SMURF2: variants seen among roughly 807,000 people sequenced by gnomAD.
SMURF2 encodes the protein SMAD specific E3 ubiquitin protein ligase 2.
A neutral mutation model predicts 109.6 loss-of-function variants in SMURF2; 48 were observed. The observed-to-expected ratio is 0.44, with a 90% CI of 0.35 to 0.56. The LOEUF (loss-of-function observed/expected upper bound fraction) is 0.56. Ranked by LOEUF, SMURF2 falls within the 20% of genes least tolerant of loss-of-function variation. The pLI, the probability that SMURF2 is intolerant of heterozygous loss-of-function variation, is 0.01. For synonymous variants in SMURF2, 288 were observed against 317.1 expected, an observed-to-expected ratio of 0.91 and a Z score of 0.97; for missense variants, 575 against 909.0, an observed-to-expected ratio of 0.63 and a Z score of 4.72.
intron 1 of SMURF2, among the ~76,000 whole-genome samples, chr17:64,661,531 G>A (rs1435499858): frequency 1.3e-5 from 2 of 152,140 alleles, no homozygotes. Flanking sequence ...AGCCCCGGGA[G>A]GCAGCGTCTG....
intron 16 of SMURF2, among the ~76,000 whole-genome samples, chr17:64,548,530 G>T (rs1968992157): frequency 6.6e-6 from 1 of 152,070 alleles, no homozygotes; most frequent in South Asian, 2.1e-4. Context: ...TGGGATTACA[G>T]GCATGCACCA....
At position 64,661,774 on chromosome 17, in the gene SMURF2, C is replaced by G. The variant is rs1177223901; in HGVS notation, c.52+55G>C. 3.3e-6 allele frequency: 4 copies of G among 1,194,686 alleles called. No homozygotes were observed. In the Admixed American group the frequency reaches 1.8e-4, roughly 52 times the overall value. The allele number at this position is 1,194,686 out of a possible 1,614,324, so 74.0% of individuals were successfully genotyped here. On this transcript the variant is annotated intron_variant, in intron 1 of 18. Transcript: ENST00000262435. ...GCCCTTCCCAAGGCCACAGGCACCC[C>G]CCGCCAGCTCGCCCACCCCGCGGCT...
intron 4 of SMURF2, 98 bp from the exon 5 acceptor site, chr17:64,591,247 A>G: frequency 1.2e-6 from 1 of 844,286 alleles, no homozygotes; most frequent in Non-Finnish European, 1.9e-6. Context: ...TCCATTAGAA[A>G]TCAAACCTAT....
intron 16 of SMURF2, among the ~76,000 whole-genome samples, chr17:64,550,285 A>G (rs1176990198): frequency 6.6e-6 from 1 of 152,212 alleles, no homozygotes; most frequent in East Asian, 1.9e-4. Context: ...AATTATTAGT[A>G]GACTTCAAAT....
At chr17:64,648,623 T>C (rs553767572) in intron 1 of SMURF2, among the ~76,000 whole-genome samples, 1 of 151,958 alleles carries the variant, frequency 6.6e-6, no homozygotes, top group Non-Finnish European at 1.5e-5. Context: ...AATTTAAAAA[T>C]TACACCAGCA....
intron 16 of SMURF2, among the ~76,000 whole-genome samples, chr17:64,549,143 G>A (rs1969001273): frequency 6.6e-6 from 1 of 151,664 alleles, no homozygotes; most frequent in South Asian, 2.1e-4. Context: ...AAGGTAGCCG[G>A]GCGTGGTGGC....
intron 1 of SMURF2, chr17:64,660,912 T>C (rs1484294418): frequency 6.6e-6 from 1 of 152,142 alleles, no homozygotes; most frequent in Non-Finnish European, 1.5e-5. Context: ...CCTGTAATGT[T>C]AAAGATTTCA....
chr17:64,654,761 A>G (rs1228331144), intron 1 of SMURF2, among the ~76,000 whole-genome samples: 1 of 152,162 alleles, frequency 6.6e-6, no homozygotes, highest in East Asian at 1.9e-4. Flanking sequence ...CCCAGGAGGC[A>G]GAGGTTGCAG....
At chr17:64,566,581 T>TTTTTTG (rs1969313703) in intron 10 of SMURF2, among the ~76,000 whole-genome samples, 1 of 115,558 alleles carries the variant, frequency 8.7e-6, no homozygotes, top group Non-Finnish European at 1.8e-5. Context: ...TTTTTTTTTT[T>TTTTTTG]TTTTTTTTTT....
chr17:64,612,686 C>G (rs186726280), intron 1 of SMURF2, among the ~76,000 whole-genome samples: 1 of 151,964 alleles, frequency 6.6e-6, no homozygotes. Flanking sequence ...TCCCTCCACC[C>G]CTCAAAAAAA....
intron 1 of SMURF2, among the ~76,000 whole-genome samples, chr17:64,647,423 G>GT (rs1441423464): frequency 9.9e-5 from 15 of 152,086 alleles, no homozygotes; most frequent in Non-Finnish European, 2.1e-4. Flanking sequence ...GTTCACACCC[G>GT]TAATCCCAGC....
intron 10 of SMURF2, among the ~76,000 whole-genome samples, chr17:64,569,173 A>G (rs782563580): frequency 1.5e-4 from 23 of 151,086 alleles, no homozygotes; most frequent in Admixed American, 4.6e-4. Flanking sequence ...GGTGGCAAGC[A>G]CCTATAATCC....
At chr17:64,566,564 T>TTG (rs1969309088) in intron 10 of SMURF2, among the ~76,000 whole-genome samples, 4 of 49,432 alleles carry the variant, frequency 8.1e-5, no homozygotes, top group Non-Finnish European at 1.7e-4. Flanking sequence ...CTTTCTGGTT[T>TTG]TTTTTTTTTT....
intron 5 of SMURF2, among the ~76,000 whole-genome samples, chr17:64,587,142 C>A (rs1239775726): frequency 1.3e-5 from 2 of 152,044 alleles, no homozygotes; most frequent in Non-Finnish European, 2.9e-5. Context: ...CACCACTGCA[C>A]TCTAGCCTGG....
intron 8 of SMURF2, among the ~76,000 whole-genome samples, chr17:64,580,505 T>G (rs1165048734): frequency 6.6e-6 from 1 of 152,230 alleles, no homozygotes; most frequent in African/African-American, 2.4e-5. Context: ...ACAGTCTCAC[T>G]TCATTTCGTA....
At chr17:64,604,156 C>T (rs564972422) in intron 2 of SMURF2, among the ~76,000 whole-genome samples, 1 of 152,214 alleles carries the variant, frequency 6.6e-6, no homozygotes, top group African/African-American at 2.4e-5. Flanking sequence ...AATGGACCTG[C>T]GACCTTGGCC....
At chr17:64,613,672 CAGTGTGTGTGTGTGTG>C (rs1970076098) in intron 1 of SMURF2, among the ~76,000 whole-genome samples, 4 of 53,722 alleles carry the variant, frequency 7.4e-5, no homozygotes, top group African/African-American at 3.0e-4. Flanking sequence ...TTCCACGGAC[CAGTGTGTGTGTGTGTG>C]TGTGTGTGTG....
intron 3 of SMURF2, 33 bp from the exon 4 acceptor site, chr17:64,593,606 G>C (rs1969778415): frequency 6.8e-7 from 1 of 1,470,992 alleles, no homozygotes; most frequent in Non-Finnish European, 9.1e-7. Flanking sequence ...GAGTAACTTG[G>C]TAGTTACAGG....
chr17:64,601,986 A>G (rs1969905323), intron 2 of SMURF2, among the ~76,000 whole-genome samples: 1 of 151,366 alleles, frequency 6.6e-6, no homozygotes, highest in African/African-American at 2.4e-5. Context: ...ACATACATAC[A>G]CCATGGAATA....
Sources: allele counts gnomAD v4.1 joint callset (sites outside exome capture counted in the v4.1 genomes callset), GRCh38; gene constraint gnomAD v4.1.1; transcripts MANE v1.5; gene names NCBI Gene and HGNC (gene_info 2026-07-23, HGNC 2026-07-21).